Variants in PTGER4 observed in about 807,000 individuals in gnomAD.
PTGER4 encodes the protein prostaglandin E2 receptor EP4 subtype.
Under a neutral mutation model 33.2 loss-of-function variants are expected in PTGER4, and 11 were observed. The observed-to-expected ratio is 0.33, with a 90% CI of 0.21 to 0.55. The LOEUF is 0.55. Among genes scored for constraint, PTGER4 ranks in the 20% least tolerant of loss-of-function variants. The pLI, the probability that PTGER4 is intolerant of heterozygous loss-of-function variation, is 0.92. For synonymous variants in PTGER4, 275 were observed against 281.5 expected, an observed-to-expected ratio of 0.98 and a Z score of 0.23; for missense variants, 481 against 650.2, an observed-to-expected ratio of 0.74 and a Z score of 2.83.
intron 2 of PTGER4, among the ~76,000 whole-genome samples, chr5:40,684,612 A>G (rs1741282706): frequency 6.6e-6 from 1 of 152,336 alleles, no homozygotes; most frequent in East Asian, 1.9e-4. Flanking sequence ...TCATAAATAG[A>G]GTTAAGATTG....
At chr5:40,696,188 C>G (rs1442972663), downstream of PTGER4, among the ~76,000 whole-genome samples, 1 of 152,186 alleles carries the variant, frequency 6.6e-6, no homozygotes, top group Non-Finnish European at 1.5e-5. Context: ...GGCATGAATA[C>G]AAAAGGGACA....
At chr5:40,737,230 G>A in the PTGER4 span, among the ~76,000 whole-genome samples, 2 of 151,796 alleles carry the variant, frequency 1.3e-5, no homozygotes, top group African/African-American at 4.8e-5. Flanking sequence ...CTGGAAAGTG[G>A]AGATTGCAAT....
the PTGER4 span, among the ~76,000 whole-genome samples, chr5:40,723,044 G>A: frequency 1.3e-5 from 2 of 152,150 alleles, no homozygotes; most frequent in Admixed American, 6.5e-5. Flanking sequence ...ACTGTGTCTG[G>A]GTAGAAAGAA....
chr5:40,742,396 G>A, the PTGER4 span, among the ~76,000 whole-genome samples: 1 of 151,994 alleles, frequency 6.6e-6, no homozygotes, highest in African/African-American at 2.4e-5. Flanking sequence ...CATTACATAC[G>A]TAAATTCATG....
the PTGER4 span, chr5:40,728,564 A>G: frequency 1.6e-6 from 2 of 1,279,502 alleles, no homozygotes; most frequent in Non-Finnish European, 2.1e-6. Flanking sequence ...TTTAAGATAT[A>G]TTTTTAGTCC....
chr5:40,729,629 T>C, the PTGER4 span, among the ~76,000 whole-genome samples: 1 of 152,230 alleles, frequency 6.6e-6, no homozygotes, highest in African/African-American at 2.4e-5. Context: ...AAGTCTACTA[T>C]ATTTAATCAC....
At chr5:40,695,569 C>T (rs553402462), downstream of PTGER4, among the ~76,000 whole-genome samples, 18 of 151,350 alleles carry the variant, frequency 1.2e-4, no homozygotes, top group African/African-American at 4.1e-4. Flanking sequence ...TAAATACAAA[C>T]ATTAACTAGG....
In PTGER4 at chr5:40,693,672, G is replaced by A. The variant is rs1371937224; in HGVS notation, c.*1294G>A. 1.0e-6 allele frequency: 1 copy of A among 980,732 alleles called. No homozygotes were observed. Among genetic ancestry groups the A allele is most frequent in the African/African-American group, 1.8e-5 (1 of 57,068 alleles). The allele number at this position is 980,732 out of a possible 1,614,324, so 60.8% of individuals were successfully genotyped here. A position where few individuals can be genotyped will look rare whatever the true frequency, so the allele number is the denominator to read the frequency against. Reference sequence around the variant, plus strand: ...AAATTCTGAGCCTGATATTGATATGGTTTTAAGAAGCAGTTGTACCAAGTG... The same window carrying A: ...AAATTCTGAGCCTGATATTGATATGATTTTAAGAAGCAGTTGTACCAAGTG... On this transcript the variant is annotated 3_prime_UTR_variant, in exon 3 of 3. Coordinates refer to ENST00000302472, the MANE Select transcript of PTGER4 (RefSeq NM_000958.3).
At chr5:40,687,146 A>G (rs1741345452) in intron 2 of PTGER4, among the ~76,000 whole-genome samples, 1 of 152,104 alleles carries the variant, frequency 6.6e-6, no homozygotes, top group Non-Finnish European at 1.5e-5. Context: ...CCCGGGTTCA[A>G]GTGATTCTCC....
At chr5:40,708,941 A>C in the PTGER4 span, among the ~76,000 whole-genome samples, 12 of 152,388 alleles carry the variant, frequency 7.9e-5, no homozygotes, top group African/African-American at 2.2e-4. Flanking sequence ...CCACATGATT[A>C]TCTCAATAGA....
chr5:40,691,170 G>A lies in PTGER4; in HGVS notation c.868-609G>A, dbSNP rs1029772326. Among the ~76,000 whole-genome samples, 18 of 152,114 alleles carry A rather than the reference G, an allele frequency of 1.2e-4. No individual in the cohort carries two copies. Among genetic ancestry groups the A allele is most frequent in the African/African-American group, 4.3e-4 (18 of 41,412 alleles). ...TGAGTAGCTGGGATTATAGGCGTGT[G>A]CCGCCACACCTGGCTAATTTTTGTT... On this transcript the variant is annotated intron_variant, in intron 2 of 2. Transcript: ENST00000302472. This position sits in a 1 kb window ranked among gnomAD's most constrained non-coding sequence, Gnocchi z 4.2.
downstream of PTGER4, chr5:40,693,817 AT>A: frequency 5.7e-6 from 4 of 704,124 alleles, no homozygotes; most frequent in South Asian, 1.3e-4. Context: ...CCTTTTATAT[AT>A]TTTTTTAAAA....
At chr5:40,722,504 G>A in the PTGER4 span, among the ~76,000 whole-genome samples, 1 of 149,716 alleles carries the variant, frequency 6.7e-6, no homozygotes, top group Non-Finnish European at 1.5e-5. Context: ...TGTGGGGAGC[G>A]CCTCTGCCCC....
chr5:40,732,855 G>A, the PTGER4 span, among the ~76,000 whole-genome samples: 2 of 151,996 alleles, frequency 1.3e-5, no homozygotes, highest in African/African-American at 2.4e-5. Flanking sequence ...TGATCTGCCC[G>A]CCTCGGCCTC....
the PTGER4 span, among the ~76,000 whole-genome samples, chr5:40,710,886 T>C: frequency 5.3e-5 from 8 of 152,004 alleles, no homozygotes; most frequent in African/African-American, 1.7e-4. Context: ...ATGAGAACAC[T>C]TGGACACAGG....
the PTGER4 span, among the ~76,000 whole-genome samples, chr5:40,744,071 G>A: frequency 6.6e-6 from 1 of 152,188 alleles, no homozygotes; most frequent in African/African-American, 2.4e-5. Flanking sequence ...AAAAGTTAAT[G>A]AACTTTTAAC....
the PTGER4 span, among the ~76,000 whole-genome samples, chr5:40,701,273 A>G: frequency 9.2e-5 from 14 of 152,350 alleles, no homozygotes; most frequent in Middle Eastern, 3.4e-3. Flanking sequence ...TCCAAGGAAA[A>G]TAAGAATCAC....
At chr5:40,737,299 CAAA>C in the PTGER4 span, among the ~76,000 whole-genome samples, 3 of 116,364 alleles carry the variant, frequency 2.6e-5, no homozygotes, top group Non-Finnish European at 3.6e-5. Context: ...GGCTCCACCT[CAAA>C]AAAAAAAAAA....
the PTGER4 span, among the ~76,000 whole-genome samples, chr5:40,700,566 C>T: frequency 1.3e-5 from 2 of 152,252 alleles, no homozygotes; most frequent in Non-Finnish European, 2.9e-5. Flanking sequence ...GGGCTGACTG[C>T]ACTGAGTGAT....
Sources: gnomAD v4.1 joint callset for allele counts (sites outside exome capture counted in the v4.1 genomes callset) on GRCh38, gnomAD v4.1.1 for gene constraint, Gnocchi (gnomAD v3.1) non-coding constraint, MANE v1.5 for transcripts, NCBI Gene and HGNC (gene_info 2026-07-23, HGNC 2026-07-21) for gene names.